The following GALNTL6 variants were observed in gnomAD, a reference collection of about 807,000 sequenced individuals.
GALNTL6 encodes the protein polypeptide N-acetylgalactosaminyltransferase-like 6.
In GALNTL6, 46 loss-of-function variants were observed where a neutral mutation model predicts 73.7. The observed-to-expected ratio is 0.62, with a 90% CI of 0.49 to 0.80. The LOEUF (loss-of-function observed/expected upper bound fraction) is 0.80. GALNTL6 is among the 30% of genes least tolerant of loss of function. GALNTL6 has a pLI of 0.00. For synonymous variants in GALNTL6, 259 were observed against 263.7 expected, an observed-to-expected ratio of 0.98 and a Z score of 0.17; for missense variants, 604 against 755.0, an observed-to-expected ratio of 0.80 and a Z score of 2.34.
At chr4:172,038,184 A>G (rs1741989462) in intron 2 of GALNTL6, among the ~76,000 whole-genome samples, 1 of 151,384 alleles carries the variant, frequency 6.6e-6, no homozygotes, top group Admixed American at 6.6e-5. Flanking sequence ...ATTCAGCCTT[A>G]TTTGCAAATT....
intron 2 of GALNTL6, among the ~76,000 whole-genome samples, chr4:172,097,376 T>C (rs1315277816): frequency 6.6e-6 from 1 of 152,130 alleles, no homozygotes; most frequent in African/African-American, 2.4e-5. Flanking sequence ...CAGAAATCCT[T>C]CCCCGCTATG....
At chr4:172,271,035 T>C (rs1228994505) in intron 3 of GALNTL6, among the ~76,000 whole-genome samples, 1 of 152,096 alleles carries the variant, frequency 6.6e-6, no homozygotes, top group Non-Finnish European at 1.5e-5. Context: ...TCTGAAGTAG[T>C]TTTTAAAGGA....
At chr4:171,965,371 T>C (rs964931347) in intron 2 of GALNTL6, among the ~76,000 whole-genome samples, 2 of 151,976 alleles carry the variant, frequency 1.3e-5, no homozygotes, top group Admixed American at 1.3e-4. Flanking sequence ...GAAGAGTCAA[T>C]GGGGGCTGGG....
chr4:171,895,771 T>G (rs1736895024), intron 2 of GALNTL6, among the ~76,000 whole-genome samples: 1 of 152,088 alleles, frequency 6.6e-6, no homozygotes, highest in Admixed American at 6.5e-5. Context: ...GAAAGAAATT[T>G]AAAGTCACTA....
chr4:172,123,410 A>G (rs1733204492), intron 2 of GALNTL6, among the ~76,000 whole-genome samples: 1 of 119,558 alleles, frequency 8.4e-6, no homozygotes, highest in Admixed American at 8.3e-5. Flanking sequence ...AAATTGCTGT[A>G]TTAACTACGA....
intron 3 of GALNTL6, among the ~76,000 whole-genome samples, chr4:172,277,092 G>A (rs189741909): frequency 1.3e-5 from 2 of 151,758 alleles, no homozygotes; most frequent in Non-Finnish European, 2.9e-5. Context: ...CTTAAATGTT[G>A]ATACTACTTA....
At chr4:172,126,843 C>T (rs1733309282) in intron 2 of GALNTL6, among the ~76,000 whole-genome samples, 1 of 152,148 alleles carries the variant, frequency 6.6e-6, no homozygotes, top group Admixed American at 6.5e-5. Context: ...ATTTCTGAAA[C>T]CTCATTGACA....
intron 2 of GALNTL6, among the ~76,000 whole-genome samples, chr4:171,870,344 T>C (rs1438984195): frequency 6.6e-6 from 1 of 152,144 alleles, no homozygotes; most frequent in Non-Finnish European, 1.5e-5. Context: ...GCAGATACGA[T>C]AGAACACAAA....
rs1732622281 is a variant in GALNTL6 at position 172,681,321 on chromosome 4, T to A, written c.554-128040T>A. 2.0e-5 allele frequency among the ~76,000 whole-genome samples: 3 copies of A among 151,992 alleles called. No homozygotes were observed. In the South Asian group the frequency reaches 6.2e-4, roughly 32 times the overall value. ...ATCACATTTTATTGATTTAATAGAT[T>A]AAAAAAAACTCCCATGACGTACACT... On this transcript the variant is annotated intron_variant, in intron 5 of 12. Transcript: ENST00000506823.
chr4:172,961,808 G>T (rs1191394625), intron 10 of GALNTL6, among the ~76,000 whole-genome samples: 1 of 152,216 alleles, frequency 6.6e-6, no homozygotes, highest in Non-Finnish European at 1.5e-5. Flanking sequence ...ACCAGAGGTT[G>T]TAGGTGGATC....
At chr4:172,144,960 TACA>T (rs1209756799) in intron 2 of GALNTL6, among the ~76,000 whole-genome samples, 1 of 152,050 alleles carries the variant, frequency 6.6e-6, no homozygotes, top group Non-Finnish European at 1.5e-5. Context: ...CTTATGGAAA[TACA>T]ACATTTTTTT....
At chr4:172,674,242 G>T (rs527680704) in intron 5 of GALNTL6, among the ~76,000 whole-genome samples, 2 of 152,220 alleles carry the variant, frequency 1.3e-5, no homozygotes, top group East Asian at 3.9e-4. Context: ...GACCAGACAT[G>T]AAATTCTGGG....
chr4:172,436,461 T>A (rs551462450), intron 5 of GALNTL6, among the ~76,000 whole-genome samples: 2 of 152,200 alleles, frequency 1.3e-5, no homozygotes, highest in South Asian at 4.1e-4. Context: ...GAGAAACAGG[T>A]AAGTCCCGAC....
chr4:172,453,203 GA>G (rs374344999), intron 5 of GALNTL6, among the ~76,000 whole-genome samples: 4,152 of 128,678 alleles, frequency 0.032, 170 homozygotes, highest in African/African-American at 0.11. Flanking sequence ...CTCTGTCTCA[GA>G]AAAAAAAAAA....
intron 2 of GALNTL6, among the ~76,000 whole-genome samples, chr4:171,965,480 C>A (rs1393144946): frequency 6.6e-6 from 1 of 151,848 alleles, no homozygotes; most frequent in Middle Eastern, 3.5e-3. Flanking sequence ...TACAGTGAAA[C>A]CCCGTCTCTA....
At chr4:172,818,647 G>A (rs1166526708) in intron 7 of GALNTL6, among the ~76,000 whole-genome samples, 2 of 152,164 alleles carry the variant, frequency 1.3e-5, no homozygotes, top group Non-Finnish European at 1.5e-5. Flanking sequence ...CACCCAGGTT[G>A]GAGTGCAGTG....
rs531926698 is a variant in GALNTL6, at chr4:172,743,810, A to T, written c.554-65551A>T. On this transcript the variant is annotated intron_variant, in intron 5 of 12. Transcript: ENST00000506823. ...TGCCAGATAAATAACTGTATATCAGATATCAAAGATTGTGTTGACATGATT... is the reference window on the plus strand; with the variant it reads ...TGCCAGATAAATAACTGTATATCAGTTATCAAAGATTGTGTTGACATGATT... Among the ~76,000 whole-genome samples, 9 of 152,280 alleles carry T rather than the reference A, an allele frequency of 5.9e-5. No individual in the cohort carries two copies. The South Asian group carries it at 1.9e-3, about 32-fold the overall frequency.
intron 7 of GALNTL6, among the ~76,000 whole-genome samples, chr4:172,822,591 T>G (rs1034671209): frequency 1.3e-5 from 2 of 152,196 alleles, no homozygotes; most frequent in African/African-American, 4.8e-5. Context: ...TGGTCTTGCT[T>G]CACTGCTGCC....
At chr4:172,688,514 C>G (rs1040954947) in intron 5 of GALNTL6, among the ~76,000 whole-genome samples, 1 of 152,228 alleles carries the variant, frequency 6.6e-6, no homozygotes, top group Non-Finnish European at 1.5e-5. Context: ...AATTCACCTT[C>G]TGAACAACCC....
Sources: gnomAD v4.1 joint callset for allele counts (sites outside exome capture counted in the v4.1 genomes callset) on GRCh38, gnomAD v4.1.1 for gene constraint, MANE v1.5 for transcripts, NCBI Gene and HGNC (gene_info 2026-07-23, HGNC 2026-07-21) for gene names.